The following ARB2A variants were observed in gnomAD, a reference collection of about 807,000 sequenced individuals.
ARB2A encodes the protein ARB2 cotranscriptional regulator A.
At chr5:93,746,519 C>T in the ARB2A span, among the ~76,000 whole-genome samples, 3 of 152,172 alleles carry the variant, frequency 2.0e-5, no homozygotes, top group African/African-American at 7.2e-5. Context: ...AAAAACATTA[C>T]TTCTTTTTGC....
At chr5:93,945,041 C>T in the ARB2A span, among the ~76,000 whole-genome samples, 1 of 152,160 alleles carries the variant, frequency 6.6e-6, no homozygotes, top group Non-Finnish European at 1.5e-5. Context: ...AAGTAAGGAG[C>T]AGTTACCCCA....
chr5:93,857,039 G>C, the ARB2A span, among the ~76,000 whole-genome samples: 1 of 152,202 alleles, frequency 6.6e-6, no homozygotes, highest in African/African-American at 2.4e-5. Context: ...GAGTTTGCTA[G>C]AGGTCCACTC....
the ARB2A span, among the ~76,000 whole-genome samples, chr5:93,930,569 A>AT: frequency 6.6e-6 from 1 of 152,182 alleles, no homozygotes; most frequent in Non-Finnish European, 1.5e-5. Context: ...ATAGGCAGAG[A>AT]TTAGGGAGAA....
the ARB2A span, among the ~76,000 whole-genome samples, chr5:93,768,110 TATC>T: frequency 6.7e-6 from 1 of 149,722 alleles, no homozygotes; most frequent in African/African-American, 2.5e-5. Context: ...GAAAACCAAG[TATC>T]ATATGTTCTC....
the ARB2A span, among the ~76,000 whole-genome samples, chr5:93,847,934 G>A: frequency 1.3e-5 from 2 of 152,080 alleles, no homozygotes; most frequent in Non-Finnish European, 2.9e-5. Context: ...TTCACACAAA[G>A]GCCTGCGGTT....
chr5:93,667,719 CA>C, the ARB2A span, among the ~76,000 whole-genome samples: 1 of 152,198 alleles, frequency 6.6e-6, no homozygotes, highest in South Asian at 2.1e-4. Context: ...ATGGGGATTA[CA>C]GGCATGAGAT....
At chr5:93,663,931 T>C in the ARB2A span, among the ~76,000 whole-genome samples, 1 of 152,174 alleles carries the variant, frequency 6.6e-6, no homozygotes, top group Non-Finnish European at 1.5e-5. Flanking sequence ...TAGTATTTTG[T>C]AATATTAACT....
At chr5:93,669,850 A>T in the ARB2A span, among the ~76,000 whole-genome samples, 12 of 152,170 alleles carry the variant, frequency 7.9e-5, no homozygotes, top group Non-Finnish European at 1.6e-4. Flanking sequence ...GTAAAAAAGA[A>T]ATTTTAAAGT....
At chr5:94,011,691 G>A in the ARB2A span, among the ~76,000 whole-genome samples, 1 of 152,078 alleles carries the variant, frequency 6.6e-6, no homozygotes, top group Non-Finnish European at 1.5e-5. Flanking sequence ...TGTGGGTGGA[G>A]TAGAAAAACG....
the ARB2A span, among the ~76,000 whole-genome samples, chr5:93,795,558 A>C: frequency 2.0e-5 from 3 of 152,120 alleles, no homozygotes; most frequent in Non-Finnish European, 4.4e-5. Context: ...CTGTCCATCC[A>C]AGTGGGAGCT....
At chr5:93,900,350 C>T in the ARB2A span, among the ~76,000 whole-genome samples, 12 of 152,138 alleles carry the variant, frequency 7.9e-5, no homozygotes, top group African/African-American at 1.9e-4. Context: ...GGGTGGCTCA[C>T]GCCTGTAATC....
chr5:93,662,612 A>G, the ARB2A span, among the ~76,000 whole-genome samples: 9 of 152,186 alleles, frequency 5.9e-5, no homozygotes, highest in Admixed American at 2.6e-4. Flanking sequence ...CAGTTAACCA[A>G]TGTACAAACA....
chr5:93,946,204 C>T, the ARB2A span, among the ~76,000 whole-genome samples: 4 of 151,814 alleles, frequency 2.6e-5, no homozygotes, highest in African/African-American at 9.7e-5. Flanking sequence ...TCTAACAATA[C>T]AGGAAGACAA....
chr5:93,655,771 C>G, the ARB2A span, among the ~76,000 whole-genome samples: 4 of 152,128 alleles, frequency 2.6e-5, no homozygotes, highest in African/African-American at 9.6e-5. Context: ...GACTAGACAC[C>G]CTCAAAGTAT....
the ARB2A span, chr5:93,741,421 G>A: frequency 1.2e-6 from 2 of 1,613,374 alleles, no homozygotes; most frequent in Non-Finnish European, 1.7e-6. Context: ...CCTGACTGCC[G>A]GCCAGACCAT....
At chr5:93,628,210 C>A in the ARB2A span, among the ~76,000 whole-genome samples, 1 of 151,782 alleles carries the variant, frequency 6.6e-6, no homozygotes, top group Admixed American at 6.6e-5. Context: ...GCCACCACGC[C>A]CGGCTAATTT....
At chr5:93,895,236 C>A in the ARB2A span, among the ~76,000 whole-genome samples, 86 of 152,304 alleles carry the variant, frequency 5.6e-4, 1 homozygote, top group African/African-American at 1.8e-3. Context: ...ATAATTATTT[C>A]AACCTTCAGG....
the ARB2A span, among the ~76,000 whole-genome samples, chr5:93,747,850 A>G: frequency 3.3e-4 from 50 of 152,252 alleles, no homozygotes; most frequent in African/African-American, 1.2e-3. Context: ...TGAAAGCAAG[A>G]TTTCTATTAT....
At chr5:94,100,391 T>A in the ARB2A span, among the ~76,000 whole-genome samples, 1 of 152,172 alleles carries the variant, frequency 6.6e-6, no homozygotes, top group Non-Finnish European at 1.5e-5. Flanking sequence ...TCAATGCTAT[T>A]CCTATCAAAC....
Sources: allele counts gnomAD v4.1 joint callset (sites outside exome capture counted in the v4.1 genomes callset), GRCh38; gene constraint gnomAD v4.1.1; transcripts MANE v1.5; gene names NCBI Gene and HGNC (gene_info 2026-07-23, HGNC 2026-07-21).